Variants in CSMD1 observed in about 807,000 individuals in gnomAD.
The protein encoded by CSMD1 is CUB and Sushi multiple domains 1, also known as CUB and sushi domain-containing protein 1.
CSMD1 carries 213 observed loss-of-function variants against 417.5 expected under a neutral mutation model. The ratio of observed to expected loss-of-function variants is 0.51; its 90% CI spans 0.46 to 0.57. CSMD1 has a LOEUF of 0.57. Among genes scored for constraint, CSMD1 ranks in the 20% least tolerant of loss-of-function variants. The probability of loss-of-function intolerance (pLI) is 0.00; values close to 1 mark genes in which losing one functional copy is unlikely to be tolerated. For missense variants in CSMD1, 6,923 were observed against 4,529.7 expected, an observed-to-expected ratio of 1.53 and a Z score of -15.17; for synonymous variants, 2,862 against 1,736.8, an observed-to-expected ratio of 1.65 and a Z score of -16.11.
chr8:3,933,757 T>G (rs1341984410), intron 5 of CSMD1, among the ~76,000 whole-genome samples: 1 of 152,202 alleles, frequency 6.6e-6, no homozygotes, highest in Non-Finnish European at 1.5e-5. Context: ...TGAGATTTAT[T>G]TAGGTTTTAT....
chr8:4,394,502 G>T (rs981819749), intron 3 of CSMD1, among the ~76,000 whole-genome samples: 1 of 152,136 alleles, frequency 6.6e-6, no homozygotes, highest in African/African-American at 2.4e-5. Flanking sequence ...CTCTGGGTGT[G>T]AATGAGTGAG....
At chr8:4,099,486 T>C (rs1038620676) in intron 3 of CSMD1, among the ~76,000 whole-genome samples, 2 of 152,140 alleles carry the variant, frequency 1.3e-5, no homozygotes, top group Non-Finnish European at 2.9e-5. Flanking sequence ...ACAGTGCTCC[T>C]TCCAGCCTTC....
At chr8:3,310,968 T>G (rs1043342177) in intron 23 of CSMD1, among the ~76,000 whole-genome samples, 1 of 152,184 alleles carries the variant, frequency 6.6e-6, no homozygotes, top group African/African-American at 2.4e-5. Context: ...CTGGGGATGA[T>G]GAAAGCCTGG....
chr8:3,707,043 C>G (rs562452244), intron 7 of CSMD1, among the ~76,000 whole-genome samples: 11 of 151,754 alleles, frequency 7.2e-5, no homozygotes, highest in Admixed American at 1.3e-4. Flanking sequence ...GAGGGGTAGT[C>G]AGAGTATGGT....
intron 10 of CSMD1, among the ~76,000 whole-genome samples, chr8:3,531,269 G>A (rs1220831232): frequency 1.3e-5 from 2 of 152,010 alleles, no homozygotes; most frequent in Non-Finnish European, 2.9e-5. Flanking sequence ...TATTCACCAT[G>A]GATATTAATT....
intron 8 of CSMD1, among the ~76,000 whole-genome samples, chr8:3,599,883 G>A (rs758756931): frequency 6.6e-6 from 1 of 152,174 alleles, no homozygotes; most frequent in Non-Finnish European, 1.5e-5. Flanking sequence ...GGAGTGAGAT[G>A]GTTGACTACC....
chr8:4,757,834 C>A (rs949967604), intron 1 of CSMD1, among the ~76,000 whole-genome samples: 2 of 151,578 alleles, frequency 1.3e-5, no homozygotes, highest in Non-Finnish European at 2.9e-5. Flanking sequence ...TGGCGCACAC[C>A]TGTAATCCCA....
chr8:3,338,511 C>T (rs1317243230), intron 23 of CSMD1, among the ~76,000 whole-genome samples: 1 of 152,222 alleles, frequency 6.6e-6, no homozygotes, highest in Non-Finnish European at 1.5e-5. Flanking sequence ...GATGAGAAAT[C>T]TGGTTGTGGG....
At chr8:4,246,716 T>C (rs907282674) in intron 3 of CSMD1, among the ~76,000 whole-genome samples, 15 of 152,152 alleles carry the variant, frequency 9.9e-5, no homozygotes, top group Admixed American at 2.6e-4. Flanking sequence ...TTTTAATTTA[T>C]CATTGGAATA....
chr8:4,457,447 C>G (rs1305213011), intron 2 of CSMD1, among the ~76,000 whole-genome samples: 1 of 151,944 alleles, frequency 6.6e-6, no homozygotes, highest in Non-Finnish European at 1.5e-5. Flanking sequence ...AAACATAATG[C>G]ATTGAAAAGT....
chr8:4,850,380 A>ATATTTTTT (rs1403352847), intron 1 of CSMD1, among the ~76,000 whole-genome samples: 13 of 82,738 alleles, frequency 1.6e-4, no homozygotes, highest in African/African-American at 4.9e-4. Flanking sequence ...AATCCAATTT[A>ATATTTTTT]TCTTTTTTTT....
At chr8:3,789,300 A>G (rs970365793) in intron 5 of CSMD1, among the ~76,000 whole-genome samples, 1 of 151,024 alleles carries the variant, frequency 6.6e-6, no homozygotes. Flanking sequence ...TTCCCAGTTT[A>G]TATTTATTGT....
intron 50 of CSMD1, chr8:3,043,886 A>T (rs901742588): frequency 6.6e-6 from 1 of 152,406 alleles, no homozygotes; most frequent in African/African-American, 2.4e-5. Flanking sequence ...CTCAAGTGAT[A>T]TAGAGCTGTC....
intron 1 of CSMD1, among the ~76,000 whole-genome samples, chr8:4,754,622 T>C (rs1676951): frequency 0.78 from 118,208 of 151,020 alleles, 46,324 homozygotes; most frequent in Admixed American, 0.83. Context: ...GAGGCAGAGG[T>C]GGGTGGATCA....
At chr8:4,111,440 T>C (rs1044694532) in intron 3 of CSMD1, among the ~76,000 whole-genome samples, 1 of 152,106 alleles carries the variant, frequency 6.6e-6, no homozygotes, top group African/African-American at 2.4e-5. Flanking sequence ...TTAGGATATA[T>C]ACCCAGTAAT....
intron 3 of CSMD1, among the ~76,000 whole-genome samples, chr8:4,302,571 C>T (rs912279083): frequency 3.9e-5 from 6 of 152,124 alleles, no homozygotes; most frequent in African/African-American, 1.4e-4. Context: ...GCCTCTCTCT[C>T]AACCCTATAC....
Position 4,958,294 on chromosome 8 carries a change from A to AT in CSMD1, c.85+36037dup, listed in dbSNP as rs564182775. 1.8e-4 allele frequency among the ~76,000 whole-genome samples: 28 copies of AT among 151,820 alleles called. 1 individual carries two copies. In the South Asian group the frequency reaches 3.1e-3, roughly 17 times the overall value. ...GAAAGTGCACATATTTGACACATCA[A>AT]TTTTTTTTTAACTTTTACAAATATT... On this transcript the variant is annotated intron_variant, in intron 1 of 69. Coordinates refer to ENST00000635120, the MANE Select transcript of CSMD1 (RefSeq NM_033225.6).
intron 1 of CSMD1, among the ~76,000 whole-genome samples, chr8:4,743,799 C>T (rs769435153): frequency 6.6e-5 from 10 of 152,194 alleles, no homozygotes; most frequent in Admixed American, 1.3e-4. Context: ...TCGATACCCT[C>T]AGGTGCTATG....
At chr8:4,159,603 T>C (rs766558596) in intron 3 of CSMD1, among the ~76,000 whole-genome samples, 15 of 152,174 alleles carry the variant, frequency 9.9e-5, no homozygotes, top group Non-Finnish European at 1.9e-4. Flanking sequence ...ATTATTATTA[T>C]TGTGAGACAG....
Sources: allele counts gnomAD v4.1 joint callset (sites outside exome capture counted in the v4.1 genomes callset), GRCh38; gene constraint gnomAD v4.1.1; transcripts MANE v1.5; gene names NCBI Gene and HGNC (gene_info 2026-07-23, HGNC 2026-07-21).